Variants in BBOF1 observed in about 807,000 individuals in gnomAD.
The protein encoded by BBOF1 is basal body orientation factor 1.
BBOF1 carries 62 observed loss-of-function variants against 68.0 expected under a neutral mutation model. The ratio of observed to expected loss-of-function variants is 0.91; its 90% CI spans 0.74 to 1.13. The LOEUF (loss-of-function observed/expected upper bound fraction) is 1.13, where lower values mean the gene tolerates loss of function less well. Among genes scored for constraint, BBOF1 ranks in the 50% most tolerant of loss-of-function variants. The pLI is 0.00. For synonymous variants in BBOF1, 208 were observed against 198.8 expected (o/e 1.05, Z -0.39); for missense variants, 534 against 600.1 (o/e 0.89, Z 1.15).
chr14:74,031,805 A>AT (rs1339783231), intron 3 of BBOF1: 3 of 152,048 alleles, frequency 2.0e-5, no homozygotes, highest in Non-Finnish European at 4.4e-5. Flanking sequence ...TCAACATAGG[A>AT]TTTTTTGGGT....
chr14:74,036,046 T>A (rs575100010), intron 4 of BBOF1, among the ~76,000 whole-genome samples: 11 of 152,024 alleles, frequency 7.2e-5, no homozygotes, highest in African/African-American at 2.4e-4. Flanking sequence ...AGGAATACTT[T>A]TAAAATATCA....
At chr14:74,021,902 G>A (rs1484682800) in intron 1 of BBOF1, among the ~76,000 whole-genome samples, 2 of 151,316 alleles carry the variant, frequency 1.3e-5, no homozygotes, top group African/African-American at 2.4e-5. Context: ...GTGAGACTCC[G>A]TCCCTCCCCC....
intron 3 of BBOF1, chr14:74,032,002 C>G (rs1297211789): frequency 2.0e-5 from 3 of 151,716 alleles, no homozygotes; most frequent in African/African-American, 7.3e-5. Flanking sequence ...TATAATTTTT[C>G]TAGGTATTGC....
chr14:74,072,827 C>T (rs2060569141), intron 9 of BBOF1, among the ~76,000 whole-genome samples: 1 of 151,838 alleles, frequency 6.6e-6, no homozygotes, highest in Non-Finnish European at 1.5e-5. Context: ...GACAGAGTTT[C>T]GCTCTTGTCC....
intron 9 of BBOF1, among the ~76,000 whole-genome samples, chr14:74,076,649 G>C (rs1458550591): frequency 6.6e-6 from 1 of 152,148 alleles, no homozygotes; most frequent in African/African-American, 2.4e-5. Flanking sequence ...CTTTTCTCCT[G>C]CCTCAGCCTC....
chr14:74,052,224 A>C (rs1168449807), intron 8 of BBOF1, among the ~76,000 whole-genome samples: 1 of 151,820 alleles, frequency 6.6e-6, no homozygotes, highest in Non-Finnish European at 1.5e-5. Flanking sequence ...GATTGTCTAC[A>C]TTGTTACTGC....
intron 11 of BBOF1, among the ~76,000 whole-genome samples, chr14:74,062,192 C>T (rs2060361358): frequency 6.6e-6 from 1 of 151,542 alleles, no homozygotes; most frequent in South Asian, 2.1e-4. Context: ...GCAAAACTCC[C>T]ATCTCAAAAA....
Position 74,050,198 on chromosome 14 carries a change from AC to A in BBOF1, c.1286+4del. 2.0e-6 allele frequency: 3 copies of A among 1,522,680 alleles called. No homozygotes were observed. Among genetic ancestry groups the A allele is most frequent in the Non-Finnish European group, 2.6e-6 (3 of 1,137,624 alleles). The allele number at this position is 1,522,680 out of a possible 1,614,324, so 94.3% of individuals were successfully genotyped here. A position where few individuals can be genotyped will look rare whatever the true frequency, so the allele number is the denominator to read the frequency against. On this transcript the variant is annotated splice_donor_region_variant and intron_variant, in intron 8 of 11. Transcript: ENST00000394009. ...GATCTTCTGGAGGCCGAAAAATGGT[AC>A]TAGCAATACTTTATTATTATCTTTT...
chr14:74,027,354 T>C (rs896852632), intron 2 of BBOF1, among the ~76,000 whole-genome samples: 2 of 148,656 alleles, frequency 1.3e-5, no homozygotes. Flanking sequence ...CCCAAAGTGT[T>C]GGGATTACAG....
intron 2 of BBOF1, among the ~76,000 whole-genome samples, chr14:74,025,890 G>C (rs2059412346): frequency 6.7e-6 from 1 of 149,684 alleles, no homozygotes; most frequent in Admixed American, 6.6e-5. Flanking sequence ...CACTTTGGGA[G>C]GCTGAGTGGC....
chr14:74,034,536 T>C (rs1395522729), intron 4 of BBOF1, among the ~76,000 whole-genome samples: 2 of 152,218 alleles, frequency 1.3e-5, no homozygotes, highest in Admixed American at 6.5e-5. Flanking sequence ...AATGATAGTT[T>C]TAGAGAAATT....
Position 74,071,730 on chromosome 14 carries a change from T to A in BBOF1, n.1380-6466T>A, listed in dbSNP as rs536788157. On this transcript the variant is annotated intron_variant and non_coding_transcript_variant, in intron 9 of 12. Transcript: ENST00000492026. ...TCATTTGAGTAAAGAGTAAAGTAAA[T>A]CAGTCTTAGGGATACTGAATACTGC... 3,490 of 1,455,560 alleles carry A rather than the reference T, an allele frequency of 2.4e-3. 10 individuals carry two copies. Among genetic ancestry groups the A allele is most frequent in the Non-Finnish European group, 3.0e-3 (3,224 of 1,064,424 alleles). 90.2% of individuals were successfully genotyped at this position (1,455,560 alleles called of 1,614,324 possible). A position where few individuals can be genotyped will look rare whatever the true frequency, so the allele number is the denominator to read the frequency against.
intron 6 of BBOF1, among the ~76,000 whole-genome samples, chr14:74,047,240 G>A (rs973439362): frequency 6.6e-6 from 1 of 152,016 alleles, no homozygotes; most frequent in Non-Finnish European, 1.5e-5. Context: ...AATCCTGTAT[G>A]GGTCTGGCAG....
intron 3 of BBOF1, among the ~76,000 whole-genome samples, chr14:74,033,534 C>T (rs936507165): frequency 1.3e-5 from 2 of 152,096 alleles, no homozygotes; most frequent in East Asian, 3.9e-4. Flanking sequence ...CACGCCACTA[C>T]ACTCCAGCCT....
intron 1 of BBOF1, among the ~76,000 whole-genome samples, chr14:74,020,804 G>T (rs932703185): frequency 1.3e-5 from 2 of 152,056 alleles, no homozygotes; most frequent in African/African-American, 4.8e-5. Context: ...ATGCCCTGTC[G>T]CATCAAGTAC....
At chr14:74,071,970 T>G in intron 9 of BBOF1, 1 of 1,613,942 alleles carries the variant, frequency 6.2e-7, no homozygotes, top group South Asian at 1.1e-5. Context: ...CTTGGCAATT[T>G]CTTTCTAGAG....
intron 11 of BBOF1, chr14:74,058,897 C>T (rs2139709964): frequency 6.6e-6 from 1 of 152,386 alleles, no homozygotes; most frequent in South Asian, 2.1e-4. Context: ...CCAGCCTGAC[C>T]AACATGGAGA....
intron 9 of BBOF1, chr14:74,078,066 C>CA (rs561126572): frequency 9.4e-5 from 36 of 384,864 alleles, no homozygotes; most frequent in South Asian, 6.9e-4. Context: ...AACGAGACTC[C>CA]ATTTCTATAA....
intron 2 of BBOF1, among the ~76,000 whole-genome samples, chr14:74,028,316 C>T (rs1783346893): frequency 6.6e-6 from 1 of 151,964 alleles, no homozygotes; most frequent in Non-Finnish European, 1.5e-5. Context: ...TTGCTGTGAG[C>T]CAAGATTGCA....
Sources: gnomAD v4.1 joint callset for allele counts (sites outside exome capture counted in the v4.1 genomes callset) on GRCh38, gnomAD v4.1.1 for gene constraint, MANE v1.5 for transcripts, NCBI Gene and HGNC (gene_info 2026-07-23, HGNC 2026-07-21) for gene names.